Variants in SAMMSON observed in about 807,000 individuals in gnomAD.
SAMMSON encodes survival associated mitochondrial melanoma specific oncogenic non-coding RNA, also known as long intergenic non-protein coding RNA 1212.
intron 3 of SAMMSON, among the ~76,000 whole-genome samples, chr3:70,019,253 A>T (rs183552916): frequency 6.6e-6 from 1 of 152,260 alleles, no homozygotes; most frequent in Admixed American, 6.5e-5. Flanking sequence ...TTGCTTTATG[A>T]ATCTGGGTGC....
chr3:70,294,075 T>C (rs914382475), intron 7 of SAMMSON, among the ~76,000 whole-genome samples: 1 of 152,136 alleles, frequency 6.6e-6, no homozygotes, highest in Non-Finnish European at 1.5e-5. Flanking sequence ...TATAAAGACA[T>C]GGCCATGTTT....
At chr3:70,296,105 G>A (rs1302678757) in intron 7 of SAMMSON, among the ~76,000 whole-genome samples, 1 of 152,150 alleles carries the variant, frequency 6.6e-6, no homozygotes, top group Non-Finnish European at 1.5e-5. Context: ...AGTTTTAGTG[G>A]TAGGGAAAGG....
chr3:70,412,264 C>T (rs952432403), intron 2 of SAMMSON, among the ~76,000 whole-genome samples: 1 of 152,140 alleles, frequency 6.6e-6, no homozygotes, highest in African/African-American at 2.4e-5. Context: ...CACATTATGT[C>T]ATATGTACAT....
chr3:70,069,721 A>G (rs535454397), intron 3 of SAMMSON: 3 of 152,230 alleles, frequency 2.0e-5, no homozygotes, highest in African/African-American at 4.8e-5. Flanking sequence ...TACTATAATT[A>G]TCCCCATTTC....
chr3:70,324,881 C>A (rs1702567682), intron 7 of SAMMSON, among the ~76,000 whole-genome samples: 1 of 148,470 alleles, frequency 6.7e-6, no homozygotes, highest in Non-Finnish European at 1.5e-5. Context: ...CCTTTTCTTT[C>A]TTCTCCATCA....
At chr3:70,100,627 C>T (rs2067340802) in intron 4 of SAMMSON, among the ~76,000 whole-genome samples, 1 of 151,980 alleles carries the variant, frequency 6.6e-6, no homozygotes, top group Non-Finnish European at 1.5e-5. Flanking sequence ...TGGAACTCAT[C>T]GAAGAACTTC....
intron 6 of SAMMSON, among the ~76,000 whole-genome samples, chr3:70,287,453 A>G (rs1462452191): frequency 6.6e-6 from 1 of 151,754 alleles, no homozygotes; most frequent in Non-Finnish European, 1.5e-5. Flanking sequence ...TGCTGGATTC[A>G]TTTTGCCAGT....
At chr3:70,321,242 A>T (rs1480632714) in intron 7 of SAMMSON, among the ~76,000 whole-genome samples, 1 of 152,012 alleles carries the variant, frequency 6.6e-6, no homozygotes, top group Non-Finnish European at 1.5e-5. Flanking sequence ...ACCCTTTGTA[A>T]TCCAGCCCTC....
chr3:70,269,283 G>A (rs533280052), intron 6 of SAMMSON, among the ~76,000 whole-genome samples: 5 of 152,298 alleles, frequency 3.3e-5, no homozygotes, highest in African/African-American at 1.2e-4. Flanking sequence ...GTTAAATTAA[G>A]TTTAGCCTAA....
intron 9 of SAMMSON, among the ~76,000 whole-genome samples, chr3:70,388,220 C>G (rs1212910073): frequency 6.6e-6 from 1 of 152,074 alleles, no homozygotes; most frequent in African/African-American, 2.4e-5. Context: ...AAATCCAGCC[C>G]ATCATTTGTT....
chr3:70,002,508 C>T (rs951809872), intron 1 of SAMMSON, among the ~76,000 whole-genome samples: 7 of 152,002 alleles, frequency 4.6e-5, no homozygotes, highest in African/African-American at 1.7e-4. Flanking sequence ...TTATAATTCT[C>T]TCACCAACAG....
In SAMMSON at chr3:70,260,498, T is replaced by C. The variant is rs536675785; in HGVS notation, n.674+10828T>C. On this transcript the variant is annotated intron_variant and non_coding_transcript_variant, in intron 6 of 9. Transcript: ENST00000642114. ...TTCAACTCGTAACAGCCCCATTCCCTATCATCTTCTGATTGTGTTAAGTCA... is the reference window on the plus strand; with the variant it reads ...TTCAACTCGTAACAGCCCCATTCCCCATCATCTTCTGATTGTGTTAAGTCA... Among the ~76,000 whole-genome samples the C allele has an allele frequency of 1.6e-3, 249 of 152,220 alleles. 2 individuals carry two copies. The highest frequency in any genetic ancestry group is 2.6e-3 in the Non-Finnish European group (178 of 67,994).
intron 1 of SAMMSON, among the ~76,000 whole-genome samples, chr3:70,001,032 A>G (rs1254261732): frequency 1.3e-5 from 2 of 151,960 alleles, no homozygotes; most frequent in Non-Finnish European, 2.9e-5. Flanking sequence ...GGTTTGTTCC[A>G]CTGGACAATG....
chr3:70,386,980 C>T (rs1703127667), intron 9 of SAMMSON, among the ~76,000 whole-genome samples: 1 of 151,874 alleles, frequency 6.6e-6, no homozygotes, highest in African/African-American at 2.4e-5. Context: ...TGGTCAGATC[C>T]CCAAGTGTAA....
At chr3:70,280,302 G>T (rs556118962) in intron 6 of SAMMSON, among the ~76,000 whole-genome samples, 1 of 152,106 alleles carries the variant, frequency 6.6e-6, no homozygotes, top group East Asian at 1.9e-4. Flanking sequence ...CTCCACGTCA[G>T]GATCCTTAAC....
At chr3:70,292,001 C>A (rs985934997) in intron 7 of SAMMSON, 1 of 152,286 alleles carries the variant, frequency 6.6e-6, no homozygotes, top group Middle Eastern at 3.4e-3. Context: ...ATATACAAGA[C>A]ACGATGGTTT....
intron 3 of SAMMSON, among the ~76,000 whole-genome samples, chr3:70,027,871 T>A (rs2067047240): frequency 6.6e-6 from 1 of 152,208 alleles, no homozygotes; most frequent in Admixed American, 6.5e-5. Context: ...ATGCGGTGAT[T>A]TCTTTTCGGG....
chr3:70,396,906 A>G (rs1701098269), intron 2 of SAMMSON, among the ~76,000 whole-genome samples: 1 of 152,192 alleles, frequency 6.6e-6, no homozygotes. Flanking sequence ...AGGAGATCTC[A>G]GAAAGATAAT....
intron 3 of SAMMSON, among the ~76,000 whole-genome samples, chr3:70,016,076 C>A (rs1168479620): frequency 6.6e-6 from 1 of 152,116 alleles, no homozygotes; most frequent in East Asian, 1.9e-4. Flanking sequence ...TGGGTATATA[C>A]CCAGTAATGG....
Sources: allele counts gnomAD v4.1 joint callset (sites outside exome capture counted in the v4.1 genomes callset), GRCh38; gene constraint gnomAD v4.1.1; transcripts MANE v1.5; gene names NCBI Gene and HGNC (gene_info 2026-07-23, HGNC 2026-07-21).